The following ARFGEF1 variants were observed in gnomAD, a reference collection of about 807,000 sequenced individuals.
The protein encoded by ARFGEF1 is ARF guanine nucleotide exchange factor 1, also known as brefeldin A-inhibited guanine nucleotide-exchange protein 1.
Under a neutral mutation model 231.0 loss-of-function variants are expected in ARFGEF1, and 42 were observed. The ratio of observed to expected loss-of-function variants is 0.18; its 90% CI spans 0.14 to 0.24. The LOEUF (loss-of-function observed/expected upper bound fraction) is 0.24. Among genes scored for constraint, ARFGEF1 ranks in the 10% least tolerant of loss-of-function variants. ARFGEF1 has a pLI of 1.00. For synonymous variants in ARFGEF1, 710 were observed against 732.3 expected, an observed-to-expected ratio of 0.97 and a Z score of 0.49; for missense variants, 1,345 against 2,192.0, an observed-to-expected ratio of 0.61 and a Z score of 7.72.
chr8:67,341,425 CAAA>C lies in ARFGEF1; in HGVS notation c.124+1736_124+1738del, dbSNP rs1186065653. Among the ~76,000 whole-genome samples the C allele has an allele frequency of 2.6e-4, 23 of 87,900 alleles. 1 individual carries two copies. Among genetic ancestry groups the C allele is most frequent in the African/African-American group, 3.5e-4 (8 of 22,630 alleles). 57.7% of individuals were successfully genotyped at this position (87,900 alleles called of 152,430 possible). A position where few individuals can be genotyped will look rare whatever the true frequency, so the allele number is the denominator to read the frequency against. ...GATATAGAGAGACCGCCATCTCCAC[CAAA>C]AAAAAAAAAAAAAAAAAAAAATTAG... On this transcript the variant is annotated intron_variant, in intron 1 of 38. Transcript: ENST00000262215.
chr8:67,286,754 T>C (rs1805777438), intron 7 of ARFGEF1, among the ~76,000 whole-genome samples: 4 of 152,182 alleles, frequency 2.6e-5, no homozygotes, highest in South Asian at 4.1e-4. Flanking sequence ...CTTCACTCTC[T>C]ACCATTTCCC....
At chr8:67,190,791 C>T (rs941070523) in intron 5 of ARFGEF1, 3 of 1,482,680 alleles carry the variant, frequency 2.0e-6, no homozygotes, top group African/African-American at 1.4e-5. Flanking sequence ...CCCTTTTCAA[C>T]TTAGAAGAAT....
chr8:67,324,486 G>C (rs1297463063), intron 1 of ARFGEF1, among the ~76,000 whole-genome samples: 1 of 152,114 alleles, frequency 6.6e-6, no homozygotes, highest in African/African-American at 2.4e-5. Context: ...AACTCATCTA[G>C]TGATCTTCCA....
chr8:67,197,300 T>G (rs900526022), downstream of ARFGEF1, among the ~76,000 whole-genome samples: 35 of 152,030 alleles, frequency 2.3e-4, no homozygotes, highest in Non-Finnish European at 7.4e-5. Context: ...AAAATTTTTT[T>G]TTAATTAGGC....
chr8:67,200,188 A>G (rs1225030246), intron 38 of ARFGEF1: 2 of 616,094 alleles, frequency 3.2e-6, no homozygotes, highest in Non-Finnish European at 6.1e-6. Context: ...GAGAACTGCT[A>G]ATTAGTGAAC....
At chr8:67,224,821 T>G in intron 29 of ARFGEF1, 82 bp downstream of exon 29, 520 of 961,454 alleles carry the variant, frequency 5.4e-4, no homozygotes, top group Non-Finnish European at 6.2e-4. Context: ...TCTTTAACTG[T>G]GAGATTGTGT....
chr8:67,332,805 C>T (rs1256283395), intron 1 of ARFGEF1, among the ~76,000 whole-genome samples: 1 of 152,126 alleles, frequency 6.6e-6, no homozygotes, highest in Non-Finnish European at 1.5e-5. Context: ...CAACACAACT[C>T]CCAAGATGAC....
At chr8:67,184,742 A>AT (rs1833986065) in intron 5 of ARFGEF1, among the ~76,000 whole-genome samples, 2 of 140,004 alleles carry the variant, frequency 1.4e-5, no homozygotes, top group South Asian at 2.3e-4. Context: ...ATAATAAAAA[A>AT]ATATAATAAT....
intron 19 of ARFGEF1, among the ~76,000 whole-genome samples, chr8:67,244,006 G>A (rs1191202205): frequency 2.6e-5 from 4 of 151,844 alleles, no homozygotes; most frequent in Non-Finnish European, 4.4e-5. Flanking sequence ...TTGGGAGGCC[G>A]AGGTGGGTGG....
At chr8:67,316,568 C>T (rs1283829312) in intron 1 of ARFGEF1, among the ~76,000 whole-genome samples, 1 of 152,064 alleles carries the variant, frequency 6.6e-6, no homozygotes, top group Non-Finnish European at 1.5e-5. Context: ...CTCCATGATC[C>T]TCCCACCTCA....
chr8:67,232,732 A>G, intron 23 of ARFGEF1, 123 bp downstream of exon 23: 1 of 752,734 alleles, frequency 1.3e-6, no homozygotes. Context: ...GCATATCACA[A>G]TATAATTTTA....
intron 33 of ARFGEF1, among the ~76,000 whole-genome samples, chr8:67,216,245 G>T (rs1563841758): frequency 6.6e-6 from 1 of 152,096 alleles, no homozygotes; most frequent in South Asian, 2.1e-4. Context: ...AGTATCAAGA[G>T]GTAGAGATTT....
exon 6 of ARFGEF1, chr8:67,175,551 A>G: frequency 2.4e-6 from 3 of 1,246,310 alleles, no homozygotes; most frequent in Non-Finnish European, 3.5e-6. Context: ...TGGCAGCCCC[A>G]TGCTCACAGG....
At chr8:67,288,977 A>C (rs770315799) in intron 6 of ARFGEF1, among the ~76,000 whole-genome samples, 1 of 152,102 alleles carries the variant, frequency 6.6e-6, no homozygotes, top group Non-Finnish European at 1.5e-5. Flanking sequence ...AAACAAAATC[A>C]CCAACAACAG....
chr8:67,306,105 C>T (rs766020658), intron 1 of ARFGEF1, among the ~76,000 whole-genome samples: 1 of 152,192 alleles, frequency 6.6e-6, no homozygotes, highest in Non-Finnish European at 1.5e-5. Context: ...AAGCACTTCA[C>T]AAGCTTCTCT....
Position 67,335,199 on chromosome 8 carries a change from G to A in ARFGEF1, c.124+7965C>T, listed in dbSNP as rs549760742. ...CGGCTCACTGCAAGCTCCGCCTCCC[G>A]GGCTCACACCATTCTCCTGCCTCAG... On this transcript the variant is annotated intron_variant, in intron 1 of 38. Coordinates refer to ENST00000262215, the MANE Select transcript of ARFGEF1 (RefSeq NM_006421.5). Among the ~76,000 whole-genome samples the A allele has an allele frequency of 6.0e-4, 89 of 147,284 alleles. 1 individual carries two copies. Among genetic ancestry groups the A allele is most frequent in the African/African-American group, 2.2e-3 (86 of 39,442 alleles).
At chr8:67,232,629 C>T (rs1839591842) in intron 23 of ARFGEF1, among the ~76,000 whole-genome samples, 1 of 151,928 alleles carries the variant, frequency 6.6e-6, no homozygotes, top group Admixed American at 6.6e-5. Flanking sequence ...CCATTAGTAT[C>T]TATTGTAACT....
At position 67,217,870 on chromosome 8, in the gene ARFGEF1, T is replaced by C. The variant is rs984450556; in HGVS notation, c.4525A>G (p.Ile1509Val). ...SGTNCLENVV[I>V]LNGEKFTLEI... ...AGGGTAAATTTTTCACCATTCAGAA[T>C]AACAACATTCTCTAAACAGTTTGTA... is the stretch of plus-strand genomic sequence containing the variant. The change falls in exon 32 of 39, where the codon ATT becomes GTT. Residue 1509 changes from isoleucine (I) to valine (V), a missense_variant. This residue lies in a region of ARFGEF1 where 54 missense variants were observed against 86.5 expected (regional missense o/e 0.62). Transcript: ENST00000262215. 6.2e-7 allele frequency: 1 copy of C among 1,614,114 alleles called. No individual in the cohort carries two copies. Among genetic ancestry groups the C allele is most frequent in the African/African-American group, 1.3e-5 (1 of 75,054 alleles).
At chr8:67,326,535 T>C (rs1029599669) in intron 1 of ARFGEF1, among the ~76,000 whole-genome samples, 9 of 152,232 alleles carry the variant, frequency 5.9e-5, no homozygotes, top group Non-Finnish European at 8.8e-5. Flanking sequence ...GGTTTCTTTT[T>C]TGTGATGAAG....
Sources: gnomAD v4.1 joint callset for allele counts (sites outside exome capture counted in the v4.1 genomes callset) on GRCh38, gnomAD v4.1.1 for gene constraint, gnomAD v4.1.1 regional missense constraint, MANE v1.5 for transcripts, NCBI Gene and HGNC (gene_info 2026-07-23, HGNC 2026-07-21) for gene names.